The following CLCN5 variants were observed in gnomAD, a reference collection of about 807,000 sequenced individuals.
CLCN5 encodes Cl-/H+ antiporter 5.
In CLCN5, 17 loss-of-function variants were observed where a neutral mutation model predicts 54.0. The observed-to-expected ratio is 0.31, with a 90% CI of 0.22 to 0.47. CLCN5 has a LOEUF of 0.47. CLCN5 is among the 20% of genes least tolerant of loss of function. CLCN5 has a pLI of 1.00. For synonymous variants in CLCN5, 222 were observed against 233.0 expected (o/e 0.95, Z 0.43); for missense variants, 448 against 646.7 (o/e 0.69, Z 3.33).
chrX:49,995,476 A>G (rs1230980404), intron 3 of CLCN5, among the ~76,000 whole-genome samples: 1 of 111,707 alleles, frequency 9.0e-6, no homozygotes, highest in Non-Finnish European at 1.9e-5. Context: ...GAGATAAAGC[A>G]CAGTGCAAGT....
chrX:49,935,767 G>T (rs978290873), intron 3 of CLCN5, among the ~76,000 whole-genome samples: 1 of 110,960 alleles, frequency 9.0e-6, no homozygotes, highest in African/African-American at 3.3e-5. Flanking sequence ...TCCCAGCATG[G>T]TCCATTGCAG....
At chrX:50,062,260 C>T (rs1932867103) in intron 4 of CLCN5, among the ~76,000 whole-genome samples, 1 of 59,060 alleles carries the variant, frequency 1.7e-5, no homozygotes, top group Admixed American at 2.1e-4. Context: ...ATTCAGGAAA[C>T]CCATCTCACG....
At chrX:50,050,420 A>G (rs899126590) in intron 4 of CLCN5, 6 of 111,362 alleles carry the variant, frequency 5.4e-5, no homozygotes, top group African/African-American at 1.6e-4. Context: ...ATAGGTATGT[A>G]GTGGTATCTC....
intron 4 of CLCN5, among the ~76,000 whole-genome samples, chrX:50,057,117 T>A (rs1932763144): frequency 9.0e-6 from 1 of 110,865 alleles, no homozygotes; most frequent in Non-Finnish European, 1.9e-5. Flanking sequence ...TGATATTGGC[T>A]GTCAGACATA....
At chrX:50,079,833 T>C (rs1302551033) in intron 7 of CLCN5, among the ~76,000 whole-genome samples, 6 of 110,780 alleles carry the variant, frequency 5.4e-5, no homozygotes, top group African/African-American at 2.0e-4. Flanking sequence ...GGTACAAATT[T>C]GCAGTGAGGT....
chrX:49,934,537 C>G (rs1411032510), intron 3 of CLCN5, among the ~76,000 whole-genome samples: 1 of 111,465 alleles, frequency 9.0e-6, no homozygotes, highest in Non-Finnish European at 1.9e-5. Context: ...AAGTGTCTCC[C>G]TTAGTAATGT....
At chrX:50,077,619 AGAGTGTGTGT>A (rs1569540144) in intron 7 of CLCN5, among the ~76,000 whole-genome samples, 1 of 88,383 alleles carries the variant, frequency 1.1e-5, no homozygotes, top group African/African-American at 4.7e-5. Flanking sequence ...AGAGAGAGAG[AGAGTGTGTGT>A]GTGTGTGTGT....
At chrX:50,072,656 G>T in intron 6 of CLCN5, 68 bp downstream of exon 6, 1 of 802,416 alleles carries the variant, frequency 1.2e-6, no homozygotes, top group Non-Finnish European at 1.9e-6. Context: ...CGTAAGTCCT[G>T]AGCTGAGTCA....
chrX:50,076,049 G>C, intron 7 of CLCN5, 67 bp downstream of exon 7: 2 of 1,005,667 alleles, frequency 2.0e-6, no homozygotes, highest in East Asian at 6.3e-5. Context: ...TTCTTATACT[G>C]TGCTCACAGC....
intron 3 of CLCN5, among the ~76,000 whole-genome samples, chrX:49,975,102 T>C (rs1900244682): frequency 8.9e-6 from 1 of 111,834 alleles, no homozygotes. Context: ...GGTGCCATGA[T>C]AGGAGAGGAG....
intron 3 of CLCN5, among the ~76,000 whole-genome samples, chrX:50,032,164 G>A (rs1394951528): frequency 9.0e-6 from 1 of 111,023 alleles, no homozygotes; most frequent in Non-Finnish European, 1.9e-5. Context: ...ATTGTGAATA[G>A]TGCCGCAATA....
chrX:50,071,175 C>G (rs1377236727), intron 5 of CLCN5, among the ~76,000 whole-genome samples: 1 of 110,672 alleles, frequency 9.0e-6, no homozygotes, highest in Admixed American at 9.7e-5. Context: ...CTGGTTTTCT[C>G]ACGACCACCT....
chrX:49,974,113 G>A (rs1267349329), intron 3 of CLCN5, among the ~76,000 whole-genome samples: 1 of 111,830 alleles, frequency 8.9e-6, no homozygotes, highest in East Asian at 2.8e-4. Context: ...ATATTCCATT[G>A]TATGGATAGA....
chrX:50,071,777 A>G (rs1478596037), intron 5 of CLCN5, among the ~76,000 whole-genome samples: 2 of 112,029 alleles, frequency 1.8e-5, no homozygotes, highest in Admixed American at 1.9e-4. Context: ...AAGGTGGGGT[A>G]ACTAAGTTGC....
At chrX:50,079,013 C>T (rs1374892117) in intron 7 of CLCN5, among the ~76,000 whole-genome samples, 5 of 111,222 alleles carry the variant, frequency 4.5e-5, no homozygotes, top group African/African-American at 1.3e-4. Context: ...TTAGTAGAGA[C>T]GGGGTTTCAC....
intron 3 of CLCN5, among the ~76,000 whole-genome samples, chrX:50,033,481 A>G (rs1191224577): frequency 3.6e-5 from 4 of 111,731 alleles, no homozygotes; most frequent in African/African-American, 1.3e-4. Context: ...GGACCTCTTC[A>G]AGGAGAACTA....
At chrX:50,071,519 T>C (rs1159710454) in intron 5 of CLCN5, among the ~76,000 whole-genome samples, 1 of 111,969 alleles carries the variant, frequency 8.9e-6, no homozygotes, top group African/African-American at 3.2e-5. Context: ...TGGTTGCATC[T>C]GAGGCAAATT....
chrX:49,924,743 A>C (rs782113733), intron 2 of CLCN5, among the ~76,000 whole-genome samples: 1 of 111,148 alleles, frequency 9.0e-6, no homozygotes, highest in Non-Finnish European at 1.9e-5. Flanking sequence ...CCTATACAAG[A>C]TCTGTTTCCA....
At position 50,088,309 on chromosome X, in the gene CLCN5, T is replaced by G. The variant is rs782251469; in HGVS notation, c.1558-389T>G. 11 of 188,888 alleles carry G rather than the reference T, an allele frequency of 5.8e-5. No individual in the cohort carries two copies. The East Asian group carries it at 1.5e-3, about 25-fold the overall frequency. The allele number at this position is 188,888 out of a possible 1,213,427, so 15.6% of individuals were successfully genotyped here. Reference sequence around the variant, plus strand: ...GTAGAGCGTCCAGCATAGAACATGGTAGGTACTCAATAAAGGGTAGTCATT... The same window carrying G: ...GTAGAGCGTCCAGCATAGAACATGGGAGGTACTCAATAAAGGGTAGTCATT... On this transcript the variant is annotated intron_variant, in intron 11 of 14. Transcript: ENST00000376091.
Sources: allele counts gnomAD v4.1 joint callset (sites outside exome capture counted in the v4.1 genomes callset), GRCh38; gene constraint gnomAD v4.1.1; transcripts MANE v1.5; gene names NCBI Gene and HGNC (gene_info 2026-07-23, HGNC 2026-07-21).